MAPK14: variants seen among roughly 807,000 people sequenced by gnomAD.
MAPK14 encodes mitogen-activated protein kinase 14, also known as CSAID-binding protein.
In MAPK14, 16 loss-of-function variants were observed where a neutral mutation model predicts 49.6. The ratio of observed to expected loss-of-function variants is 0.32; its 90% CI spans 0.22 to 0.49. MAPK14 has a LOEUF of 0.49. Among genes scored for constraint, MAPK14 ranks in the 20% least tolerant of loss-of-function variants. The pLI, the probability that MAPK14 is intolerant of heterozygous loss-of-function variation, is 0.99. For synonymous variants in MAPK14, 142 were observed against 158.0 expected (o/e 0.90, Z 0.76); for missense variants, 200 against 441.2 (o/e 0.45, Z 4.90).
At chr6:36,056,872 A>G (rs1763610124) in intron 2 of MAPK14, among the ~76,000 whole-genome samples, 1 of 152,230 alleles carries the variant, frequency 6.6e-6, no homozygotes, top group Non-Finnish European at 1.5e-5. Context: ...AGAAGTGGGT[A>G]TAAGGGAGAG....
downstream of MAPK14, among the ~76,000 whole-genome samples, chr6:36,112,411 G>A (rs960869167): frequency 6.6e-6 from 1 of 152,128 alleles, no homozygotes; most frequent in African/African-American, 2.4e-5. Context: ...TGGGGGATAG[G>A]GGAAACCTGA....
rs61763101 is a variant in MAPK14 at position 36,028,636 on chromosome 6, C to T, written c.116+363C>T. Reference sequence around the variant, plus strand: ...CCCTGCCTACCTGGAGCAGAAGGACCCTCTCCCGTGATGCGCCCACGCTGG... The same window carrying T: ...CCCTGCCTACCTGGAGCAGAAGGACTCTCTCCCGTGATGCGCCCACGCTGG... On this transcript the variant is annotated intron_variant, in intron 1 of 11. Transcript: ENST00000229794. This position sits in a 1 kb window ranked among gnomAD's most constrained non-coding sequence, Gnocchi z 5.1. Among the ~76,000 whole-genome samples the T allele has an allele frequency of 0.12, 18,881 of 152,122 alleles. 1,323 individuals carry two copies. The highest frequency in any genetic ancestry group is 0.19 in the African/African-American group (8,073 of 41,472).
rs2127478741 is a variant in MAPK14, at chr6:36,109,946, C to T, written c.*1499C>T. 6.6e-6 allele frequency: 1 copy of T among 152,646 alleles called. No homozygotes were observed. The highest frequency in any genetic ancestry group is 2.4e-5 in the African/African-American group (1 of 41,538). The allele number at this position is 152,646 out of a possible 1,614,324, so 9.5% of individuals were successfully genotyped here. ...GTTTGGGGAGAAATAAATTTTGTTTCAGAATTTTGTATATTGTAGGAATCC... is the reference window on the plus strand; with the variant it reads ...GTTTGGGGAGAAATAAATTTTGTTTTAGAATTTTGTATATTGTAGGAATCC... On this transcript the variant is annotated 3_prime_UTR_variant, in exon 12 of 12. Coordinates refer to ENST00000229794, the MANE Select transcript of MAPK14 (RefSeq NM_139012.3).
chr6:36,094,187 C>T (rs1318086374), intron 8 of MAPK14, among the ~76,000 whole-genome samples: 1 of 152,160 alleles, frequency 6.6e-6, no homozygotes, highest in Non-Finnish European at 1.5e-5. Flanking sequence ...TTGCCATTTG[C>T]AGATGACAAA....
intron 1 of MAPK14, among the ~76,000 whole-genome samples, chr6:36,036,211 G>A (rs565078760): frequency 1.4e-5 from 2 of 145,818 alleles, no homozygotes; most frequent in Non-Finnish European, 3.0e-5. Context: ...AACCGAGATC[G>A]TGCCACTGCA....
chr6:36,079,247 C>G (rs1764649055), intron 8 of MAPK14, among the ~76,000 whole-genome samples: 1 of 152,204 alleles, frequency 6.6e-6, no homozygotes, highest in Admixed American at 6.5e-5. Context: ...GCCACAATTT[C>G]TTTTCCAATA....
the MAPK14 span, among the ~76,000 whole-genome samples, chr6:36,117,587 C>T: frequency 6.6e-6 from 1 of 152,106 alleles, no homozygotes; most frequent in Non-Finnish European, 1.5e-5. Context: ...GCTGTTTGTA[C>T]CACCTGCTCA....
At chr6:36,032,404 C>T (rs528833450) in intron 1 of MAPK14, among the ~76,000 whole-genome samples, 1 of 152,236 alleles carries the variant, frequency 6.6e-6, no homozygotes, top group Non-Finnish European at 1.5e-5. Context: ...GGAAATGAAG[C>T]AAAATTGTTT....
chr6:36,033,504 A>G (rs1007149761), intron 1 of MAPK14, among the ~76,000 whole-genome samples: 16 of 151,962 alleles, frequency 1.1e-4, no homozygotes, highest in African/African-American at 3.9e-4. Flanking sequence ...TTTAGTAGAG[A>G]CGGGGTTTTA....
chr6:36,116,969 A>G, the MAPK14 span, among the ~76,000 whole-genome samples: 3 of 152,214 alleles, frequency 2.0e-5, no homozygotes, highest in African/African-American at 7.2e-5. Context: ...AAAGAGTTTT[A>G]TAGCATTGGT....
chr6:36,110,958 T>C lies in MAPK14; in HGVS notation c.*2511T>C, dbSNP rs1482845568. 1.3e-5 allele frequency: 2 copies of C among 152,156 alleles called. No homozygotes were observed. Among genetic ancestry groups the C allele is most frequent in the African/African-American group, 4.8e-5 (2 of 41,428 alleles). 9.4% of individuals were successfully genotyped at this position (152,156 alleles called of 1,614,324 possible). ...AGAGTATCCAGGTCTTTGCTGTGGATGGGTAAAGCAAAGAGCAAATGAACG... is the reference window on the plus strand; with the variant it reads ...AGAGTATCCAGGTCTTTGCTGTGGACGGGTAAAGCAAAGAGCAAATGAACG... On this transcript the variant is annotated 3_prime_UTR_variant, in exon 12 of 12. Transcript: ENST00000229794.
At chr6:36,114,133 T>A (rs1230254866), downstream of MAPK14, among the ~76,000 whole-genome samples, 1 of 152,234 alleles carries the variant, frequency 6.6e-6, no homozygotes, top group Admixed American at 6.5e-5. Flanking sequence ...GTAGCACTCA[T>A]GCTCCCTTCC....
At chr6:36,033,786 C>A (rs1725927801) in intron 1 of MAPK14, among the ~76,000 whole-genome samples, 1 of 152,202 alleles carries the variant, frequency 6.6e-6, no homozygotes, top group African/African-American at 2.4e-5. Context: ...TATTGCTGAG[C>A]CCCTGGGGCC....
intron 9 of MAPK14, 69 bp from the exon 10 acceptor site, chr6:36,102,502 C>A: frequency 8.3e-7 from 1 of 1,199,802 alleles, no homozygotes; most frequent in Non-Finnish European, 1.2e-6. Flanking sequence ...CTTAGCAGGA[C>A]CAAGATTCTT....
intron 8 of MAPK14, among the ~76,000 whole-genome samples, chr6:36,095,436 G>A (rs1039416585): frequency 6.6e-6 from 1 of 152,224 alleles, no homozygotes; most frequent in African/African-American, 2.4e-5. Flanking sequence ...GTGTGCTCCA[G>A]TGGTCAGGCT....
intron 1 of MAPK14, among the ~76,000 whole-genome samples, chr6:36,046,492 A>G (rs1457743873): frequency 7.9e-5 from 12 of 152,240 alleles, no homozygotes; most frequent in South Asian, 2.1e-4. Flanking sequence ...AAGTTATTAC[A>G]TTTAATCCTA....
chr6:36,069,241 T>G (rs1014605563), intron 3 of MAPK14, among the ~76,000 whole-genome samples: 15 of 152,230 alleles, frequency 9.9e-5, no homozygotes, highest in Admixed American at 7.2e-4. Context: ...TCTTTTGGAA[T>G]GTGCTTCTTA....
At chr6:36,067,871 A>G (rs1044824383) in intron 3 of MAPK14, among the ~76,000 whole-genome samples, 7 of 152,034 alleles carry the variant, frequency 4.6e-5, no homozygotes, top group African/African-American at 1.4e-4. Flanking sequence ...TCTATCAGAC[A>G]CTGTTCTCGG....
rs1764586645 is a variant in MAPK14, at chr6:36,077,670, A to T, written c.682+1062A>T. On this transcript the variant is annotated intron_variant, in intron 8 of 11. Transcript: ENST00000229794. Reference sequence around the variant, plus strand: ...TGAACTGAAAAAACCTCTATTTCTCAGGTAAAGCTGTTTCTTTCTCTCTGA... The same window carrying T: ...TGAACTGAAAAAACCTCTATTTCTCTGGTAAAGCTGTTTCTTTCTCTCTGA... Among the ~76,000 whole-genome samples, 4 of 152,152 alleles carry T rather than the reference A, an allele frequency of 2.6e-5. No homozygotes were observed. In the South Asian group the frequency reaches 8.3e-4, roughly 32 times the overall value.
Sources: allele counts gnomAD v4.1 joint callset (sites outside exome capture counted in the v4.1 genomes callset), GRCh38; gene constraint gnomAD v4.1.1; non-coding constraint Gnocchi (gnomAD v3.1); transcripts MANE v1.5; gene names NCBI Gene and HGNC (gene_info 2026-07-23, HGNC 2026-07-21).